The following RAD51B variants were observed in gnomAD, a reference collection of about 807,000 sequenced individuals.
RAD51B encodes the protein RAD51 paralog B.
RAD51B carries 38 observed loss-of-function variants against 42.2 expected under a neutral mutation model. That is an observed-to-expected ratio of 0.90 (90% confidence interval 0.70 to 1.18). RAD51B has a LOEUF of 1.18. RAD51B is among the 50% of genes most tolerant of loss of function. RAD51B has a pLI of 0.00. For missense variants in RAD51B, 373 were observed against 400.7 expected (o/e 0.93, Z 0.59); for synonymous variants, 154 against 145.2 (o/e 1.06, Z -0.43).
At chr14:67,929,189 A>T (rs1194293620) in intron 7 of RAD51B, among the ~76,000 whole-genome samples, 9 of 151,860 alleles carry the variant, frequency 5.9e-5, no homozygotes. Context: ...TAGATTGTTC[A>T]TTTGAAATCT....
chr14:67,932,945 G>A (rs1455715478), intron 7 of RAD51B, among the ~76,000 whole-genome samples: 3 of 152,182 alleles, frequency 2.0e-5, no homozygotes, highest in Non-Finnish European at 1.5e-5. Flanking sequence ...CTGTAGTGGT[G>A]TGCAGAGGAG....
intron 8 of RAD51B, among the ~76,000 whole-genome samples, chr14:68,356,540 T>G (rs894897715): frequency 1.2e-5 from 1 of 85,884 alleles, no homozygotes; most frequent in African/African-American, 3.6e-5. Flanking sequence ...TTAAAATACT[T>G]AATTGCTAAA....
At chr14:68,057,101 A>C (rs1433697529) in intron 7 of RAD51B, among the ~76,000 whole-genome samples, 5 of 151,982 alleles carry the variant, frequency 3.3e-5, no homozygotes, top group Non-Finnish European at 7.4e-5. Context: ...AAAAAAAAAA[A>C]AACAAAGGAA....
At chr14:68,545,321 T>C (rs1412861614) in intron 10 of RAD51B, among the ~76,000 whole-genome samples, 1 of 152,250 alleles carries the variant, frequency 6.6e-6, no homozygotes, top group East Asian at 1.9e-4. Context: ...GATATCTTCA[T>C]GCTTCTTTTT....
chr14:68,228,244 G>T (rs1170908706), intron 7 of RAD51B, among the ~76,000 whole-genome samples: 1 of 152,092 alleles, frequency 6.6e-6, no homozygotes, highest in African/African-American at 2.4e-5. Context: ...TTACCTCTAG[G>T]TTGGGAGCTA....
intron 7 of RAD51B, among the ~76,000 whole-genome samples, chr14:67,988,425 C>G (rs527721399): frequency 6.6e-6 from 1 of 151,948 alleles, no homozygotes; most frequent in African/African-American, 2.4e-5. Flanking sequence ...CACCACTGCA[C>G]TGCAGCCTAG....
At chr14:67,986,104 G>C (rs760586485) in intron 7 of RAD51B, among the ~76,000 whole-genome samples, 37 of 152,144 alleles carry the variant, frequency 2.4e-4, no homozygotes, top group Non-Finnish European at 2.9e-4. Flanking sequence ...TGCTGTGTGC[G>C]CAAGTTGAGT....
chr14:68,594,652 C>T, exon 11 of RAD51B: 1 of 1,276,738 alleles, frequency 7.8e-7, no homozygotes, highest in South Asian at 1.3e-5. Context: ...TGATCTCAAA[C>T]TCCTGGCTTC....
intron 11 of RAD51B, chr14:68,650,928 G>T (rs943237206): frequency 7.5e-6 from 5 of 668,488 alleles, no homozygotes; most frequent in Non-Finnish European, 1.4e-5. Flanking sequence ...ATCAGAAAAT[G>T]ATATAAAGTA....
At chr14:68,504,989 G>A (rs1009116166) in intron 10 of RAD51B, among the ~76,000 whole-genome samples, 32 of 152,310 alleles carry the variant, frequency 2.1e-4, no homozygotes, top group African/African-American at 7.2e-4. Flanking sequence ...GGCAGCAGCT[G>A]AAATCCATAG....
intron 7 of RAD51B, among the ~76,000 whole-genome samples, chr14:67,891,802 A>G (rs959238154): frequency 2.6e-5 from 4 of 152,184 alleles, no homozygotes; most frequent in Non-Finnish European, 4.4e-5. Context: ...TTAAGGTTTT[A>G]TTAATTATAA....
chr14:68,566,929 G>A (rs1461119506), intron 10 of RAD51B, among the ~76,000 whole-genome samples: 1 of 152,078 alleles, frequency 6.6e-6, no homozygotes, highest in East Asian at 1.9e-4. Flanking sequence ...TGCTTTCCCT[G>A]TGTATTTTGC....
In RAD51B at chr14:68,543,193, TA is replaced by T. The variant is rs370741606; in HGVS notation, c.1037-51284del. Among the ~76,000 whole-genome samples, 243 of 152,232 alleles carry T rather than the reference TA, an allele frequency of 1.6e-3. 1 individual carries two copies. Among genetic ancestry groups the T allele is most frequent in the African/African-American group, 5.5e-3 (227 of 41,534 alleles). The stretch of plus-strand genomic sequence containing the variant: ...TAAACAAATAAGCATGGTTGTGTTC[TA>T]AAAAAAATTTCTTTACAAAAATAGG... On this transcript the variant is annotated intron_variant, in intron 10 of 10. Coordinates refer to the RAD51B transcript ENST00000487270.
chr14:68,333,082 C>T (rs866231794), intron 8 of RAD51B, among the ~76,000 whole-genome samples: 7 of 152,186 alleles, frequency 4.6e-5, no homozygotes, highest in African/African-American at 1.7e-4. Context: ...GAATAGAATG[C>T]TCTCACCCTT....
At position 68,170,092 on chromosome 14, in the gene RAD51B, A is replaced by T. The variant is rs2078839451; in HGVS notation, c.757-121792A>T. On this transcript the variant is annotated intron_variant, in intron 7 of 10. Coordinates refer to ENST00000471583, the MANE Select transcript of RAD51B (RefSeq NM_133510.4). Reference sequence around the variant, plus strand: ...CAGTTTTCTGACTTCTCCATTAGGGAATAAGAGAACTCTTTGGTTTTAAAT... The same window carrying T: ...CAGTTTTCTGACTTCTCCATTAGGGTATAAGAGAACTCTTTGGTTTTAAAT... 3.3e-5 allele frequency among the ~76,000 whole-genome samples: 5 copies of T among 152,152 alleles called. No individual in the cohort carries two copies. In the South Asian group the frequency reaches 1.0e-3, roughly 32 times the overall value.
At chr14:68,463,287 A>G (rs2717214) in intron 9 of RAD51B, among the ~76,000 whole-genome samples, 151,966 of 152,332 alleles carry the variant, frequency 1, 75,801 homozygotes, top group East Asian at 1. Context: ...CATGGCAAGC[A>G]TCACTTTTTT....
At chr14:67,960,045 A>G (rs1000252223) in intron 7 of RAD51B, among the ~76,000 whole-genome samples, 4 of 151,970 alleles carry the variant, frequency 2.6e-5, no homozygotes, top group Non-Finnish European at 5.9e-5. Flanking sequence ...AGATCGCGCC[A>G]CTGCGCTACA....
At chr14:67,942,864 T>C (rs1297941559) in intron 7 of RAD51B, among the ~76,000 whole-genome samples, 3 of 152,170 alleles carry the variant, frequency 2.0e-5, no homozygotes, top group African/African-American at 4.8e-5. Context: ...TCAGCAGTAG[T>C]ATATCTAAAT....
intron 7 of RAD51B, among the ~76,000 whole-genome samples, chr14:67,921,312 A>C (rs2044314403): frequency 6.6e-6 from 1 of 152,090 alleles, no homozygotes; most frequent in Non-Finnish European, 1.5e-5. Flanking sequence ...GGCTCAAGTG[A>C]TCCTCCTGCC....
Sources: gnomAD v4.1 joint callset for allele counts (sites outside exome capture counted in the v4.1 genomes callset) on GRCh38, gnomAD v4.1.1 for gene constraint, MANE v1.5 for transcripts, NCBI Gene and HGNC (gene_info 2026-07-23, HGNC 2026-07-21) for gene names.